Variants in TAFA1 observed in about 807,000 individuals in gnomAD.
TAFA1 encodes TAFA chemokine like family member 1.
A neutral mutation model predicts 18.5 loss-of-function variants in TAFA1; 4 were observed. The ratio of observed to expected loss-of-function variants is 0.22; its 90% CI spans 0.11 to 0.49. The LOEUF (loss-of-function observed/expected upper bound fraction) is 0.49, where lower values mean the gene tolerates loss of function less well. TAFA1 is among the 20% of genes least tolerant of loss of function. The probability of loss-of-function intolerance (pLI) is 0.98; values close to 1 mark genes in which losing one functional copy is unlikely to be tolerated. For synonymous variants in TAFA1, 56 were observed against 55.2 expected (o/e 1.01, Z -0.06); for missense variants, 147 against 169.0 (o/e 0.87, Z 0.72).
intron 2 of TAFA1, among the ~76,000 whole-genome samples, chr3:68,385,865 C>A (rs1312160648): frequency 2.0e-5 from 3 of 151,984 alleles, no homozygotes; most frequent in Non-Finnish European, 4.4e-5. Context: ...ATATAGCATG[C>A]AGTGAGCAAA....
chr3:68,351,978 G>A (rs934733166), intron 2 of TAFA1, among the ~76,000 whole-genome samples: 5 of 151,584 alleles, frequency 3.3e-5, no homozygotes, highest in African/African-American at 4.9e-5. Context: ...GGGGCAGCAA[G>A]TTCTATTCTT....
At chr3:68,541,045 G>C (rs2073364237) in intron 4 of TAFA1, among the ~76,000 whole-genome samples, 1 of 152,194 alleles carries the variant, frequency 6.6e-6, no homozygotes, top group African/African-American at 2.4e-5. Flanking sequence ...AACTGCCATT[G>C]CAGTCGGTTT....
At chr3:68,044,578 A>G (rs1193429357) in intron 2 of TAFA1, among the ~76,000 whole-genome samples, 1 of 152,228 alleles carries the variant, frequency 6.6e-6, no homozygotes, top group Non-Finnish European at 1.5e-5. Context: ...GGAAACAGAT[A>G]TATTCTCTTC....
At chr3:68,524,883 G>A (rs1418119050) in intron 3 of TAFA1, among the ~76,000 whole-genome samples, 1 of 152,072 alleles carries the variant, frequency 6.6e-6, no homozygotes, top group Non-Finnish European at 1.5e-5. Context: ...GTGTTAGCCA[G>A]GATGGTCTGG....
intron 2 of TAFA1, among the ~76,000 whole-genome samples, chr3:68,320,301 G>A (rs1161991427): frequency 6.6e-6 from 1 of 152,140 alleles, no homozygotes; most frequent in South Asian, 2.1e-4. Context: ...GGATGCAGGG[G>A]TGTGTTCTGA....
rs1390808910 is a variant in TAFA1 at position 68,177,743 on chromosome 3, C to A, written c.118+170999C>A. ...ATGCTCTTCCTACTCCTTTTATAAT[C>A]TGTCTTGTCTTTGGGCAAATGACTT... On this transcript the variant is annotated intron_variant, in intron 2 of 4. Coordinates refer to ENST00000478136, the MANE Select transcript of TAFA1 (RefSeq NM_213609.4). Among the ~76,000 whole-genome samples, 3 of 152,204 alleles carry A rather than the reference C, an allele frequency of 2.0e-5. No homozygotes were observed. The East Asian group carries it at 5.8e-4, about 29-fold the overall frequency.
chr3:68,126,768 T>C (rs2065469583), intron 2 of TAFA1, among the ~76,000 whole-genome samples: 2 of 152,196 alleles, frequency 1.3e-5, no homozygotes, highest in Admixed American at 1.3e-4. Flanking sequence ...GACATTCAAT[T>C]GGCCACACAT....
intron 2 of TAFA1, among the ~76,000 whole-genome samples, chr3:68,230,288 T>G (rs966178685): frequency 9.9e-5 from 15 of 151,340 alleles, no homozygotes; most frequent in African/African-American, 3.6e-4. Flanking sequence ...GAACCTTCCC[T>G]GACTCTGATA....
At chr3:68,276,351 A>C (rs1388490) in intron 2 of TAFA1, among the ~76,000 whole-genome samples, 112,116 of 152,038 alleles carry the variant, frequency 0.74, 41,904 homozygotes, top group East Asian at 0.9. Flanking sequence ...TCGCTACTCA[A>C]TAGTTACTGG....
intron 2 of TAFA1, among the ~76,000 whole-genome samples, chr3:68,401,854 T>C (rs1246083058): frequency 6.6e-6 from 1 of 152,082 alleles, no homozygotes; most frequent in East Asian, 1.9e-4. Context: ...CTGGCTTCCC[T>C]AGAAGAAAGA....
intron 3 of TAFA1, among the ~76,000 whole-genome samples, chr3:68,418,343 C>T (rs1194648945): frequency 5.3e-5 from 8 of 151,642 alleles, no homozygotes; most frequent in Non-Finnish European, 1.2e-4. Flanking sequence ...GAGTGGGGGT[C>T]GCAAGGTGCT....
In TAFA1 at chr3:68,013,118, T is replaced by C. The variant is rs147657123; in HGVS notation, c.118+6374T>C. ...TTCTGGAATCCTCTGTTCATCCTTTTATCTCTCACTTCTACTGAGTTGACA... is the reference window on the plus strand; with the variant it reads ...TTCTGGAATCCTCTGTTCATCCTTTCATCTCTCACTTCTACTGAGTTGACA... On this transcript the variant is annotated intron_variant, in intron 2 of 4. Transcript: ENST00000478136. 6.3e-3 allele frequency among the ~76,000 whole-genome samples: 954 copies of C among 152,316 alleles called. 8 individuals carry two copies. Among genetic ancestry groups the C allele is most frequent in the African/African-American group, 0.021 (889 of 41,582 alleles).
chr3:68,327,876 T>C (rs562613934), intron 2 of TAFA1, among the ~76,000 whole-genome samples: 4 of 152,192 alleles, frequency 2.6e-5, no homozygotes, highest in African/African-American at 4.8e-5. Flanking sequence ...GAAAAAGATA[T>C]GGACCCAGGT....
chr3:68,294,258 T>C (rs1407087600), intron 2 of TAFA1, among the ~76,000 whole-genome samples: 1 of 152,238 alleles, frequency 6.6e-6, no homozygotes, highest in Non-Finnish European at 1.5e-5. Context: ...CCACATATGT[T>C]ACTTTAAATT....
At chr3:68,069,409 G>C (rs1305690587) in intron 2 of TAFA1, among the ~76,000 whole-genome samples, 1 of 152,130 alleles carries the variant, frequency 6.6e-6, no homozygotes, top group Non-Finnish European at 1.5e-5. Flanking sequence ...AGAACAGCAT[G>C]GGAAAGACCT....
At chr3:68,278,234 A>G (rs191104962) in intron 2 of TAFA1, among the ~76,000 whole-genome samples, 165 of 152,244 alleles carry the variant, frequency 1.1e-3, no homozygotes, top group African/African-American at 3.6e-3. Context: ...AAAGACTGGT[A>G]ATGTTTCCTA....
At chr3:68,167,172 C>T (rs1246962239) in intron 2 of TAFA1, among the ~76,000 whole-genome samples, 1 of 152,176 alleles carries the variant, frequency 6.6e-6, no homozygotes, top group Non-Finnish European at 1.5e-5. Flanking sequence ...CTCAGGTCTG[C>T]CGAATGAAAA....
At chr3:68,152,493 A>G (rs2065818185) in intron 2 of TAFA1, among the ~76,000 whole-genome samples, 1 of 152,180 alleles carries the variant, frequency 6.6e-6, no homozygotes, top group African/African-American at 2.4e-5. Context: ...AGATGACTGA[A>G]TATACCACAG....
intron 2 of TAFA1, among the ~76,000 whole-genome samples, chr3:68,334,416 A>G (rs1314926758): frequency 6.6e-6 from 1 of 152,212 alleles, no homozygotes; most frequent in Non-Finnish European, 1.5e-5. Context: ...CATGTTGAAG[A>G]AAATGCTAGG....
Sources: gnomAD v4.1 joint callset for allele counts (sites outside exome capture counted in the v4.1 genomes callset) on GRCh38, gnomAD v4.1.1 for gene constraint, MANE v1.5 for transcripts, NCBI Gene and HGNC (gene_info 2026-07-23, HGNC 2026-07-21) for gene names.